PDS5A: variants seen among roughly 807,000 people sequenced by gnomAD.
The protein encoded by PDS5A is PDS5 cohesin associated factor A, also known as sister chromatid cohesion protein PDS5 homolog A.
PDS5A carries 42 observed loss-of-function variants against 167.1 expected under a neutral mutation model. The observed-to-expected ratio is 0.25, with a 90% CI of 0.20 to 0.33. The LOEUF is 0.33. PDS5A is among the 10% of genes least tolerant of loss of function. PDS5A has a pLI of 1.00. For missense variants in PDS5A, 1,033 were observed against 1,605.9 expected, an observed-to-expected ratio of 0.64 and a Z score of 6.10; for synonymous variants, 553 against 554.6, an observed-to-expected ratio of 1.00 and a Z score of 0.04.
At chr4:39,870,037 A>ACCT (rs1389532080) in intron 21 of PDS5A, among the ~76,000 whole-genome samples, 8 of 151,964 alleles carry the variant, frequency 5.3e-5, no homozygotes, top group Non-Finnish European at 1.0e-4. Flanking sequence ...TGAACCTAGG[A>ACCT]GGCAGAGGTT....
At chr4:39,844,878 A>G in intron 29 of PDS5A, 77 bp from the exon 30 acceptor site, 2 of 1,416,628 alleles carry the variant, frequency 1.4e-6, no homozygotes, top group Non-Finnish European at 1.9e-6. Context: ...ATTTAGACAC[A>G]AGTAAGAGAT....
chr4:39,823,138 A>AT lies in PDS5A; in HGVS notation c.*2346dup, dbSNP rs1715004280. 6.6e-6 allele frequency: 1 copy of AT among 152,618 alleles called. No individual in the cohort carries two copies. Among genetic ancestry groups the AT allele is most frequent in the Admixed American group, 6.5e-5 (1 of 15,278 alleles). 9.5% of individuals were successfully genotyped at this position (152,618 alleles called of 1,614,324 possible). On this transcript the variant is annotated 3_prime_UTR_variant, in exon 33 of 33. Coordinates refer to ENST00000303538, the MANE Select transcript of PDS5A (RefSeq NM_001100399.2). Reference sequence around the variant, plus strand: ...AAAGGGTTAACATTAATTCTCAAATATAAGTCTGCACTTTTGTGTTGTAGT... The same window carrying AT: ...AAAGGGTTAACATTAATTCTCAAATATTAAGTCTGCACTTTTGTGTTGTAGT...
chr4:39,976,585 GACA>G lies in PDS5A; in HGVS notation c.-11_-9del. ...CTGCGCGGTGAAGTCCATCCTGGGG[GACA>G]ACTTTTGGTTCACAGTCCTCTACCG... On this transcript the variant is annotated 5_prime_UTR_variant, in exon 2 of 33. Transcript: ENST00000303538. 3.7e-6 allele frequency: 6 copies of G among 1,607,108 alleles called. No homozygotes were observed. The highest frequency in any genetic ancestry group is 5.1e-6 in the Non-Finnish European group (6 of 1,175,046).
At chr4:39,912,295 T>C (rs73229707) in intron 9 of PDS5A, among the ~76,000 whole-genome samples, 14,669 of 152,238 alleles carry the variant, frequency 0.096, 883 homozygotes, top group East Asian at 0.22. Context: ...TATTGGGTGA[T>C]TTCATTTTTA....
intron 24 of PDS5A, 74 bp downstream of exon 24, chr4:39,863,262 G>C: frequency 8.5e-7 from 1 of 1,176,870 alleles, no homozygotes; most frequent in Non-Finnish European, 1.2e-6. Context: ...ATTATAAATG[G>C]ATTTGTATCC....
chr4:39,909,073 A>C (rs1459499694), intron 10 of PDS5A, among the ~76,000 whole-genome samples: 1 of 150,858 alleles, frequency 6.6e-6, no homozygotes, highest in African/African-American at 2.4e-5. Flanking sequence ...AATAAAATAA[A>C]ATAAAATAAA....
chr4:39,952,522 T>C (rs928525672), intron 2 of PDS5A, among the ~76,000 whole-genome samples: 2 of 152,208 alleles, frequency 1.3e-5, no homozygotes, highest in South Asian at 4.1e-4. Context: ...GATGGGCTCA[T>C]AGTCATCAAA....
At chr4:39,886,455 T>C (rs1721483603) in intron 17 of PDS5A, among the ~76,000 whole-genome samples, 1 of 152,186 alleles carries the variant, frequency 6.6e-6, no homozygotes, top group African/African-American at 2.4e-5. Flanking sequence ...GGCTCACACC[T>C]GTAATTCCAG....
In PDS5A at chr4:39,833,139, T is replaced by C. The variant is rs555306962; in HGVS notation, c.4010+4717A>G. Among the ~76,000 whole-genome samples, 38 of 127,632 alleles carry C rather than the reference T, an allele frequency of 3.0e-4. No individual in the cohort carries two copies. The Admixed American group carries it at 4.1e-3, about 14-fold the overall frequency. The allele number at this position is 127,632 out of a possible 152,430, so 83.7% of individuals were successfully genotyped here. The stretch of plus-strand genomic sequence containing the variant: ...CTAGGAGGCAGAGGTTGCAGTGAGC[T>C]GAGATCGTGTCGTTGCACTCCAGCC... On this transcript the variant is annotated intron_variant, in intron 32 of 32. Transcript: ENST00000303538.
intron 17 of PDS5A, among the ~76,000 whole-genome samples, chr4:39,887,292 C>A (rs1372723327): frequency 6.6e-6 from 1 of 152,012 alleles, no homozygotes; most frequent in African/African-American, 2.4e-5. Flanking sequence ...TCCCTCTATA[C>A]CTATTTTGTT....
rs3070904 is a variant in PDS5A, at chr4:39,915,343, A to ATTT, written c.877-1620_877-1618dup. On this transcript the variant is annotated intron_variant, in intron 8 of 32. Coordinates refer to ENST00000303538, the MANE Select transcript of PDS5A (RefSeq NM_001100399.2). ...GACATGAGGTACCACAACCGGCCTG[A>ATTT]TTTTTTTTTTTTTTTTTTTTTTTTG... is the stretch of plus-strand genomic sequence containing the variant. Among the ~76,000 whole-genome samples, 359 of 88,688 alleles carry ATTT rather than the reference A, an allele frequency of 4.0e-3. 1 individual carries two copies. The highest frequency in any genetic ancestry group is 0.015 in the East Asian group (39 of 2,666). The allele number at this position is 88,688 out of a possible 152,430, so 58.2% of individuals were successfully genotyped here.
intron 26 of PDS5A, among the ~76,000 whole-genome samples, chr4:39,849,998 C>A (rs891304931): frequency 6.6e-6 from 1 of 151,980 alleles, no homozygotes; most frequent in South Asian, 2.1e-4. Flanking sequence ...CGAGGCTGGG[C>A]GCGGTGGCTC....
intron 32 of PDS5A, among the ~76,000 whole-genome samples, chr4:39,830,801 A>C (rs1319234154): frequency 6.6e-6 from 1 of 152,168 alleles, no homozygotes; most frequent in African/African-American, 2.4e-5. Flanking sequence ...CACTTTCAAA[A>C]ACATCTGATC....
chr4:39,920,331 T>A lies in PDS5A; in HGVS notation c.723A>T (p.Ala241=). 6.8e-7 allele frequency: 1 copy of A among 1,465,426 alleles called. No homozygotes were observed. Among genetic ancestry groups the A allele is most frequent in the East Asian group, 2.3e-5 (1 of 43,458 alleles). The allele number at this position is 1,465,426 out of a possible 1,614,324, so 90.8% of individuals were successfully genotyped here. The change falls in exon 7 of 33, where the codon GCA becomes GCT. Residue 241 remains alanine, a synonymous_variant. Transcript: ENST00000303538. ...LLKRTVQTIE[A]CIANFFNQVL... ...AAGAAATACATACATTAGCAATGCA[T>A]GCCTCAATAGTCTGGACTGTTCTTT...
intron 13 of PDS5A, 128 bp from the exon 14 acceptor site, chr4:39,900,635 G>C (rs186503904): frequency 4.8e-6 from 3 of 625,448 alleles, no homozygotes; most frequent in African/African-American, 1.8e-5. Flanking sequence ...TTTAAATACC[G>C]GGAAATATAT....
chr4:39,908,277 ATTG>A, intron 11 of PDS5A, 115 bp downstream of exon 11: 2 of 804,864 alleles, frequency 2.5e-6, no homozygotes, highest in South Asian at 2.9e-5. Context: ...GCTCTTTATC[ATTG>A]TTATTAATTT....
chr4:39,880,479 C>T (rs1720835868), intron 17 of PDS5A, among the ~76,000 whole-genome samples: 2 of 151,962 alleles, frequency 1.3e-5, no homozygotes, highest in African/African-American at 4.8e-5. Flanking sequence ...ACAAATGTGA[C>T]TTCTGGTTTT....
At chr4:39,906,928 A>C (rs969818139) in intron 11 of PDS5A, among the ~76,000 whole-genome samples, 21 of 145,190 alleles carry the variant, frequency 1.4e-4, no homozygotes, top group African/African-American at 3.9e-4. Flanking sequence ...AAAAAAAAAA[A>C]AAAAAAAAAA....
chr4:39,862,595 G>A (rs987374638), intron 25 of PDS5A, among the ~76,000 whole-genome samples: 2 of 152,038 alleles, frequency 1.3e-5, no homozygotes, highest in Non-Finnish European at 2.9e-5. Flanking sequence ...GGCAAAGCTA[G>A]GAAAAAATTA....
Sources: allele counts gnomAD v4.1 joint callset (sites outside exome capture counted in the v4.1 genomes callset), GRCh38; gene constraint gnomAD v4.1.1; transcripts MANE v1.5; gene names NCBI Gene and HGNC (gene_info 2026-07-23, HGNC 2026-07-21).